Variants in DPYD observed in about 807,000 individuals in gnomAD.
DPYD encodes the protein dihydropyrimidine dehydrogenase.
In DPYD, 109 loss-of-function variants were observed where a neutral mutation model predicts 116.2. The observed-to-expected ratio is 0.94, with a 90% CI of 0.80 to 1.10. The LOEUF (loss-of-function observed/expected upper bound fraction) is 1.10, where lower values mean the gene tolerates loss of function less well. Ranked by LOEUF, DPYD falls within the 50% of genes least tolerant of loss-of-function variation. DPYD has a pLI of 0.00. For missense variants in DPYD, 1,302 were observed against 1,254.5 expected (o/e 1.04, Z -0.57); for synonymous variants, 440 against 432.0 (o/e 1.02, Z -0.23).
chr1:97,478,745 A>G (rs1678134218), intron 13 of DPYD, among the ~76,000 whole-genome samples: 1 of 152,226 alleles, frequency 6.6e-6, no homozygotes, highest in African/African-American at 2.4e-5. Context: ...AAAGTCCTAG[A>G]TGGCATCTTC....
intron 22 of DPYD, among the ~76,000 whole-genome samples, chr1:97,081,942 G>T (rs1278132505): frequency 6.6e-6 from 1 of 152,094 alleles, no homozygotes; most frequent in Non-Finnish European, 1.5e-5. Context: ...TCTTTTGGCA[G>T]AAGGAATCAT....
At chr1:97,179,266 C>A (rs1268259842) in intron 20 of DPYD, among the ~76,000 whole-genome samples, 1 of 152,190 alleles carries the variant, frequency 6.6e-6, no homozygotes, top group Admixed American at 6.6e-5. Context: ...GACTGGATTA[C>A]CACAAATGCT....
intron 14 of DPYD, among the ~76,000 whole-genome samples, chr1:97,389,958 T>C (rs1443665754): frequency 1.3e-5 from 2 of 152,062 alleles, no homozygotes; most frequent in Non-Finnish European, 2.9e-5. Flanking sequence ...TTTTTTGTTT[T>C]GACAATTCCA....
intron 21 of DPYD, among the ~76,000 whole-genome samples, chr1:97,090,454 G>A (rs988339618): frequency 1.9e-4 from 29 of 152,106 alleles, no homozygotes; most frequent in African/African-American, 6.5e-4. Flanking sequence ...GAGCTAATTC[G>A]CAAGCACGTA....
chr1:97,574,395 A>G (rs190948545), intron 10 of DPYD, among the ~76,000 whole-genome samples: 14 of 152,252 alleles, frequency 9.2e-5, no homozygotes, highest in African/African-American at 3.4e-4. Flanking sequence ...AAAAGTCAAT[A>G]AAGTGGGTGA....
intron 12 of DPYD, among the ~76,000 whole-genome samples, chr1:97,520,942 G>T (rs1043110577): frequency 1.3e-5 from 2 of 152,106 alleles, no homozygotes; most frequent in African/African-American, 4.8e-5. Context: ...ACATGTGTGT[G>T]CATATCTCTT....
intron 20 of DPYD, among the ~76,000 whole-genome samples, chr1:97,157,816 A>G (rs1655585274): frequency 2.0e-5 from 3 of 152,090 alleles, no homozygotes. Flanking sequence ...TACTTTTGAC[A>G]CTTTTATTCA....
At chr1:97,464,007 G>A (rs1025705354) in intron 13 of DPYD, among the ~76,000 whole-genome samples, 2 of 152,088 alleles carry the variant, frequency 1.3e-5, no homozygotes, top group Non-Finnish European at 2.9e-5. Flanking sequence ...GGGAGGCTGT[G>A]GTGGGCAGAT....
intron 2 of DPYD, among the ~76,000 whole-genome samples, chr1:97,879,450 AG>A (rs1672079592): frequency 6.6e-6 from 1 of 151,928 alleles, no homozygotes; most frequent in African/African-American, 2.4e-5. Context: ...AAAATTGCTC[AG>A]GAAAAATGAG....
At chr1:97,869,169 A>G (rs1243463600) in intron 2 of DPYD, among the ~76,000 whole-genome samples, 2 of 151,752 alleles carry the variant, frequency 1.3e-5, no homozygotes, top group African/African-American at 4.8e-5. Flanking sequence ...TCTAGGAGAG[A>G]ATCTGATTTC....
Position 97,351,816 on chromosome 1 carries a change from A to G in DPYD, c.2058+21745T>C, listed in dbSNP as rs575380803. On this transcript the variant is annotated intron_variant, in intron 16 of 22. Transcript: ENST00000370192. ...AGAGGAAATCAGTCAGGCAAATAAA[A>G]GCAAATGGAGAAAAACATTTAAAAG... is the stretch of plus-strand genomic sequence containing the variant. Among the ~76,000 whole-genome samples, 5 of 152,272 alleles carry G rather than the reference A, an allele frequency of 3.3e-5. No individual in the cohort carries two copies. The South Asian group carries it at 1.0e-3, about 32-fold the overall frequency.
chr1:97,147,214 G>C (rs1018946942), intron 20 of DPYD, among the ~76,000 whole-genome samples: 6 of 152,076 alleles, frequency 3.9e-5, no homozygotes, highest in Admixed American at 1.3e-4. Flanking sequence ...TGGGCATGGG[G>C]GCATGCTCGT....
At chr1:97,695,234 C>T (rs1661229994) in intron 6 of DPYD, among the ~76,000 whole-genome samples, 1 of 151,838 alleles carries the variant, frequency 6.6e-6, no homozygotes, top group Admixed American at 6.6e-5. Flanking sequence ...TAGCTATATC[C>T]TTCACATTAA....
intron 11 of DPYD, among the ~76,000 whole-genome samples, chr1:97,554,071 G>A (rs1651513356): frequency 6.6e-6 from 1 of 152,088 alleles, no homozygotes; most frequent in Non-Finnish European, 1.5e-5. Flanking sequence ...TCAATTTAAT[G>A]CTGTGCATGA....
At chr1:97,238,197 C>A (rs977634810) in intron 18 of DPYD, among the ~76,000 whole-genome samples, 1 of 152,074 alleles carries the variant, frequency 6.6e-6, no homozygotes, top group South Asian at 2.1e-4. Flanking sequence ...AAAATCTTTT[C>A]AAAAAATAAG....
chr1:97,889,145 G>A (rs1317305140), intron 1 of DPYD, among the ~76,000 whole-genome samples: 1 of 151,866 alleles, frequency 6.6e-6, no homozygotes, highest in Non-Finnish European at 1.5e-5. Context: ...CAACAAGAGT[G>A]AAACTCTGTC....
At chr1:97,439,736 TA>T (rs1383804935) in intron 14 of DPYD, among the ~76,000 whole-genome samples, 2 of 152,076 alleles carry the variant, frequency 1.3e-5, no homozygotes, top group Non-Finnish European at 2.9e-5. Flanking sequence ...TGATCTTTAT[TA>T]TATCATTTAT....
At position 97,223,677 on chromosome 1, in the gene DPYD, G is replaced by A. The variant is rs115755784; in HGVS notation, c.2442+11175C>T. ...ACTGAAAGCAACTGACTCAGTCTGA[G>A]CTTTGGTTGTAATACAAATCCCTAA... On this transcript the variant is annotated intron_variant, in intron 19 of 22. Coordinates refer to ENST00000370192, the MANE Select transcript of DPYD (RefSeq NM_000110.4). Among the ~76,000 whole-genome samples, 253 of 152,100 alleles carry A rather than the reference G, an allele frequency of 1.7e-3. 1 individual carries two copies. The highest frequency in any genetic ancestry group is 5.9e-3 in the African/African-American group (243 of 41,536).
At chr1:97,362,546 C>A (rs12080469) in intron 16 of DPYD, among the ~76,000 whole-genome samples, 2,980 of 152,230 alleles carry the variant, frequency 0.02, 97 homozygotes, top group African/African-American at 0.068. Flanking sequence ...TACCTGACTT[C>A]AAACTCTATT....
Sources: gnomAD v4.1 joint callset for allele counts (sites outside exome capture counted in the v4.1 genomes callset) on GRCh38, gnomAD v4.1.1 for gene constraint, MANE v1.5 for transcripts, NCBI Gene and HGNC (gene_info 2026-07-23, HGNC 2026-07-21) for gene names.